SLC12A2: variants seen among roughly 807,000 people sequenced by gnomAD.
SLC12A2 encodes Na-K-2Cl cotransporter 1.
Under a neutral mutation model 136.3 loss-of-function variants are expected in SLC12A2, and 67 were observed. The ratio of observed to expected loss-of-function variants is 0.49; its 90% CI spans 0.40 to 0.60. The LOEUF is 0.60. Ranked by LOEUF, SLC12A2 falls within the 20% of genes least tolerant of loss-of-function variation. The pLI is 0.00. For missense variants in SLC12A2, 1,322 were observed against 1,534.7 expected, an observed-to-expected ratio of 0.86 and a Z score of 2.32; for synonymous variants, 619 against 562.9, an observed-to-expected ratio of 1.10 and a Z score of -1.41.
At chr5:128,099,466 CTG>C (rs1042003525) in intron 1 of SLC12A2, among the ~76,000 whole-genome samples, 21 of 152,264 alleles carry the variant, frequency 1.4e-4, no homozygotes, top group African/African-American at 4.8e-4. Context: ...CTTACAAACA[CTG>C]TAAACTTAGG....
At chr5:128,168,666 T>C (rs1290856920) in intron 18 of SLC12A2, 8 of 152,228 alleles carry the variant, frequency 5.3e-5, no homozygotes, top group Admixed American at 5.2e-4. Context: ...TGGGAGACAA[T>C]TGACGATCAT....
At chr5:128,131,953 C>T (rs182819809) in intron 5 of SLC12A2, among the ~76,000 whole-genome samples, 2 of 152,178 alleles carry the variant, frequency 1.3e-5, no homozygotes, top group Non-Finnish European at 2.9e-5. Context: ...TGCGGTGAGC[C>T]GAGATCGCGC....
chr5:128,171,884 C>A, intron 19 of SLC12A2, 138 bp downstream of exon 19: 4 of 558,536 alleles, frequency 7.2e-6, no homozygotes, highest in Non-Finnish European at 1.2e-5. Flanking sequence ...ATTTTAAGAT[C>A]ACATCTGTTT....
intron 1 of SLC12A2, among the ~76,000 whole-genome samples, chr5:128,105,267 CTT>C (rs1760889356): frequency 1.3e-5 from 2 of 152,196 alleles, no homozygotes. Flanking sequence ...TCACTTACGA[CTT>C]AACACATATA....
chr5:128,144,740 C>G (rs1189803034), intron 10 of SLC12A2, among the ~76,000 whole-genome samples: 1 of 152,024 alleles, frequency 6.6e-6, no homozygotes, highest in Non-Finnish European at 1.5e-5. Context: ...CATTGCTTCA[C>G]TCTGCTTGGA....
intron 1 of SLC12A2, among the ~76,000 whole-genome samples, chr5:128,105,085 G>C (rs998639558): frequency 5.9e-5 from 9 of 152,138 alleles, no homozygotes; most frequent in Non-Finnish European, 8.8e-5. Flanking sequence ...GATCCAAAAA[G>C]AAAAATTTCC....
chr5:128,171,346 G>A (rs536937715), intron 18 of SLC12A2, among the ~76,000 whole-genome samples: 6 of 152,026 alleles, frequency 3.9e-5, no homozygotes, highest in Admixed American at 1.3e-4. Context: ...TAAATATAGC[G>A]GGATTCTGAA....
intron 19 of SLC12A2, among the ~76,000 whole-genome samples, chr5:128,173,243 AT>A (rs1187960482): frequency 1.3e-5 from 2 of 152,196 alleles, no homozygotes; most frequent in Non-Finnish European, 2.9e-5. Context: ...GTAACCAAAT[AT>A]GCATTTTCAG....
chr5:128,121,121 T>C (rs1761558859), intron 4 of SLC12A2, among the ~76,000 whole-genome samples: 1 of 152,136 alleles, frequency 6.6e-6, no homozygotes, highest in South Asian at 2.1e-4. Context: ...ACAGTACATT[T>C]TAGAGATTAA....
rs189761330 is a variant in SLC12A2, at chr5:128,141,823, G to T, written c.1622-7G>T. On this transcript the variant is annotated splice_polypyrimidine_tract_variant and splice_region_variant and intron_variant, in intron 9 of 26. Transcript: ENST00000262461. ...CTATATTATTCTTGTTGTCACTTGT[G>T]CTTTAGGTTCTTGTGTTGTTCGAGA... The T allele has an allele frequency of 2.1e-5, 34 of 1,609,706 alleles. No homozygotes were observed. Among genetic ancestry groups the T allele is most frequent in the African/African-American group, 4.0e-5 (3 of 74,770 alleles).
At chr5:128,102,994 A>G (rs564659036) in intron 1 of SLC12A2, among the ~76,000 whole-genome samples, 11 of 152,186 alleles carry the variant, frequency 7.2e-5, no homozygotes, top group African/African-American at 2.6e-4. Context: ...TTCTGCAGTT[A>G]AGGATGTTTG....
rs540907216 is a variant in SLC12A2, at chr5:128,084,110, C to T, written c.156C>T (p.Asp52=). 7.6e-7 allele frequency: 1 copy of T among 1,310,556 alleles called. No individual in the cohort carries two copies. 81.2% of individuals were successfully genotyped at this position (1,310,556 alleles called of 1,614,324 possible). ...AGGATGCTGCGCCCGCGAGCCGGGA[C>T]GGCGGCGGGGTCCGCGATGAGGGCC... ...VPEDAAPASR[D]GGGVRDEGPA... Residue 52 remains aspartate (D), a synonymous_variant, in exon 1 of 27, where the codon GAC becomes GAT. Transcript: ENST00000262461. The surrounding 1 kb of genome is among the most constrained non-coding windows in gnomAD (Gnocchi z 5.6).
chr5:128,084,260 GGCA>G lies in SLC12A2; in HGVS notation c.309_311del (p.Ala107del). 2 of 1,238,480 alleles carry G rather than the reference GGCA, an allele frequency of 1.6e-6. No homozygotes were observed. Among genetic ancestry groups the G allele is most frequent in the South Asian group, 3.2e-5 (1 of 31,288 alleles). 76.7% of individuals were successfully genotyped at this position (1,238,480 alleles called of 1,614,324 possible). Reference sequence around the variant, plus strand: ...CTGCTGCGGCGGCGGCGGCGGCGGCGGCAGCGGCGGCGGCTGGTGCTGGGGCGG... The same window carrying G: ...CTGCTGCGGCGGCGGCGGCGGCGGCGGCGGCGGCGGCTGGTGCTGGGGCGG... On this transcript the variant is annotated inframe_deletion, in exon 1 of 27. Transcript: ENST00000262461. The surrounding 1 kb of genome is among the most constrained non-coding windows in gnomAD (Gnocchi z 5.6).
chr5:128,106,873 C>T (rs1760958156), intron 1 of SLC12A2, among the ~76,000 whole-genome samples: 1 of 152,070 alleles, frequency 6.6e-6, no homozygotes, highest in Non-Finnish European at 1.5e-5. Flanking sequence ...AAAAAGTAGC[C>T]TACTAAGTAC....
chr5:128,098,242 A>G (rs1232052520), intron 1 of SLC12A2, among the ~76,000 whole-genome samples: 1 of 152,086 alleles, frequency 6.6e-6, no homozygotes, highest in Non-Finnish European at 1.5e-5. Context: ...AAGTCCACCT[A>G]GGGAATTTTT....
chr5:128,085,136 C>T (rs1760048193), intron 1 of SLC12A2, among the ~76,000 whole-genome samples: 1 of 151,630 alleles, frequency 6.6e-6, no homozygotes, highest in Admixed American at 6.6e-5. Context: ...GGCTTATGTA[C>T]GCCTATTAGG....
chr5:128,130,928 C>A, intron 4 of SLC12A2, 139 bp from the exon 5 acceptor site: 2 of 678,040 alleles, frequency 2.9e-6, no homozygotes, highest in Non-Finnish European at 5.0e-6. Flanking sequence ...TCTGAAAATA[C>A]AGTCACTCAC....
intron 7 of SLC12A2, 85 bp from the exon 8 acceptor site, chr5:128,138,512 T>C (rs1762255373): frequency 3.3e-6 from 4 of 1,213,708 alleles, no homozygotes; most frequent in South Asian, 1.6e-5. Context: ...AAGTTAGGGG[T>C]CATGTATACC....
intron 15 of SLC12A2, among the ~76,000 whole-genome samples, chr5:128,154,071 A>T (rs866781098): frequency 7.1e-6 from 1 of 140,370 alleles, no homozygotes; most frequent in Non-Finnish European, 1.5e-5. Flanking sequence ...AAAAAAACAA[A>T]AAAAAAAAAC....
Sources: allele counts gnomAD v4.1 joint callset (sites outside exome capture counted in the v4.1 genomes callset), GRCh38; gene constraint gnomAD v4.1.1; non-coding constraint Gnocchi (gnomAD v3.1); transcripts MANE v1.5; gene names NCBI Gene and HGNC (gene_info 2026-07-23, HGNC 2026-07-21).